The following EIF2AK3 variants were observed in gnomAD, a reference collection of about 807,000 sequenced individuals.
The protein encoded by EIF2AK3 is eukaryotic translation initiation factor 2 alpha kinase 3, also known as eukaryotic translation initiation factor 2-alpha kinase 3.
In EIF2AK3, 50 loss-of-function variants were observed where a neutral mutation model predicts 113.5. The ratio of observed to expected loss-of-function variants is 0.44; its 90% CI spans 0.35 to 0.56. The LOEUF is 0.56. Among genes scored for constraint, EIF2AK3 ranks in the 20% least tolerant of loss-of-function variants. The pLI, the probability that EIF2AK3 is intolerant of heterozygous loss-of-function variation, is 0.00. For synonymous variants in EIF2AK3, 448 were observed against 495.4 expected (o/e 0.90, Z 1.27); for missense variants, 1,185 against 1,378.0 (o/e 0.86, Z 2.22).
intron 10 of EIF2AK3, among the ~76,000 whole-genome samples, chr2:88,582,973 C>G (rs1674635097): frequency 6.6e-6 from 1 of 152,162 alleles, no homozygotes; most frequent in Admixed American, 6.5e-5. Context: ...AAACTGCCTA[C>G]TTTTAGCTAA....
In EIF2AK3 at chr2:88,626,965, A is replaced by G; in HGVS notation, c.308+2T>C. 1 of 1,607,102 alleles carries G rather than the reference A, an allele frequency of 6.2e-7. No homozygotes were observed. Among genetic ancestry groups the G allele is most frequent in the Non-Finnish European group, 8.5e-7 (1 of 1,178,190 alleles). On this transcript the variant is annotated splice_donor_variant, in intron 1 of 16. Transcript: ENST00000303236. LOFTEE classifies it high-confidence loss of function. ...GCCTCCCCCGGGTCGGCAGCCCCTCACCTGCCGCGCGGTCGCAACTCTGTC... is the reference window on the plus strand; with the variant it reads ...GCCTCCCCCGGGTCGGCAGCCCCTCGCCTGCCGCGCGGTCGCAACTCTGTC...
intron 13 of EIF2AK3, 127 bp from the exon 14 acceptor site, chr2:88,571,168 A>T: frequency 8.6e-7 from 1 of 1,167,662 alleles, no homozygotes. Context: ...ATTTCTTTTT[A>T]AAATGGGCTA....
chr2:88,625,533 C>G (rs1675838793), intron 1 of EIF2AK3, among the ~76,000 whole-genome samples: 1 of 152,192 alleles, frequency 6.6e-6, no homozygotes, highest in African/African-American at 2.4e-5. Context: ...TGGGACATCC[C>G]TGACACTGGC....
chr2:88,618,561 T>C (rs1015090256), intron 1 of EIF2AK3, among the ~76,000 whole-genome samples: 1 of 152,238 alleles, frequency 6.6e-6, no homozygotes, highest in Non-Finnish European at 1.5e-5. Context: ...TTCCCACGTC[T>C]CATCCTAAGA....
chr2:88,621,415 T>C (rs1283634638), intron 1 of EIF2AK3, among the ~76,000 whole-genome samples: 1 of 152,210 alleles, frequency 6.6e-6, no homozygotes, highest in Admixed American at 6.5e-5. Flanking sequence ...AGGAGAACAT[T>C]GTATGGATTA....
At chr2:88,559,087 G>A (rs997448132) in intron 15 of EIF2AK3, 108 bp from the exon 16 acceptor site, 9 of 717,154 alleles carry the variant, frequency 1.3e-5, no homozygotes, top group South Asian at 1.0e-4. Context: ...CTATCAAATG[G>A]AAAATTTATC....
In EIF2AK3 at chr2:88,585,846, G is replaced by C. The variant is rs766554136; in HGVS notation, c.1645C>G (p.His549Asp). The C allele has an allele frequency of 6.2e-7, 1 of 1,613,482 alleles. No individual in the cohort carries two copies. Among genetic ancestry groups the C allele is most frequent in the Admixed American group, 1.7e-5 (1 of 59,994 alleles). The change falls in exon 9 of 17, where the codon CAC (histidine) becomes GAC (aspartate). Residue 549 changes from histidine to aspartate, a missense_variant. This residue lies in a region of EIF2AK3 where 877 missense variants were observed against 1,024.2 expected (regional missense o/e 0.86). Transcript: ENST00000303236. ...IVRRLFHPHP[H>D]RQRKESETQC... is the part of the protein sequence containing the mutation. Reference sequence around the variant, plus strand: ...TAAGCAACCATGATTCTTACCCTGTGAGGATGAGGATGGAAAAGCCTGCGC... The same window carrying C: ...TAAGCAACCATGATTCTTACCCTGTCAGGATGAGGATGGAAAAGCCTGCGC...
At chr2:88,617,492 G>C (rs1675614026) in intron 1 of EIF2AK3, among the ~76,000 whole-genome samples, 1 of 152,214 alleles carries the variant, frequency 6.6e-6, no homozygotes. Context: ...GTACTGGCCG[G>C]GGGTGAGTTG....
At chr2:88,569,308 G>A (rs1382984416) in intron 14 of EIF2AK3, among the ~76,000 whole-genome samples, 1 of 151,056 alleles carries the variant, frequency 6.6e-6, no homozygotes, top group African/African-American at 2.4e-5. Flanking sequence ...TTCAAAACTA[G>A]TCTGGGTAAC....
intron 15 of EIF2AK3, among the ~76,000 whole-genome samples, chr2:88,560,823 A>T (rs1673932801): frequency 6.6e-6 from 1 of 150,518 alleles, no homozygotes; most frequent in Non-Finnish European, 1.5e-5. Context: ...ATTTTGCTCT[A>T]TGTGAGAACT....
chr2:88,601,551 C>T (rs1218411329), intron 2 of EIF2AK3, among the ~76,000 whole-genome samples: 2 of 152,158 alleles, frequency 1.3e-5, no homozygotes, highest in East Asian at 3.9e-4. Context: ...CCACATGATC[C>T]TCAAAGCCTA....
At chr2:88,625,684 A>G (rs1006076159) in intron 1 of EIF2AK3, among the ~76,000 whole-genome samples, 2 of 152,208 alleles carry the variant, frequency 1.3e-5, no homozygotes, top group African/African-American at 4.8e-5. Context: ...ACCAGTAAGT[A>G]CCTGTTGAAG....
At chr2:88,563,459 G>A (rs1357770855) in intron 14 of EIF2AK3, among the ~76,000 whole-genome samples, 3 of 152,110 alleles carry the variant, frequency 2.0e-5, no homozygotes, top group African/African-American at 7.2e-5. Flanking sequence ...TAAAAAAAAT[G>A]TGCAAAAACA....
In EIF2AK3 at chr2:88,575,006, C is replaced by T. The variant is rs1171816937; in HGVS notation, c.2477G>A (p.Arg826Gln). 5.0e-6 allele frequency: 8 copies of T among 1,614,118 alleles called. No individual in the cohort carries two copies. In the African/African-American group the frequency reaches 5.3e-5, roughly 11 times the overall value. The change falls in exon 13 of 17, where the codon CGA becomes CAA. Residue 826 changes from arginine to glutamine, a missense_variant. Coordinates refer to ENST00000303236, the MANE Select transcript of EIF2AK3 (RefSeq NM_004836.7). Reference protein sequence around the residue: ...ASSKEEPKTNRLHIGNHCANK... With the variant: ...ASSKEEPKTNQLHIGNHCANK... ...AGCACAATGGTTGCCAATATGCAATCGATTAGTTTTCGGCTCTTCTTTACT... is the reference window on the plus strand; with the variant it reads ...AGCACAATGGTTGCCAATATGCAATTGATTAGTTTTCGGCTCTTCTTTACT...
chr2:88,585,662 G>A (rs922685311), intron 9 of EIF2AK3, among the ~76,000 whole-genome samples, 179 bp downstream of exon 9: 1 of 152,140 alleles, frequency 6.6e-6, no homozygotes, highest in Admixed American at 6.5e-5. Context: ...ATACAAAGAG[G>A]TTCAGTTAGA....
Position 88,605,811 on chromosome 2 carries a change from T to C in EIF2AK3, c.438+7913A>G, listed in dbSNP as rs374460458. ...AACATTGTTGTATTATGGAAATATA[T>C]ATTTTTACTTCCCTGGAAACATTGG... is the stretch of plus-strand genomic sequence containing the variant. On this transcript the variant is annotated intron_variant, in intron 2 of 16. Transcript: ENST00000303236. Among the ~76,000 whole-genome samples the C allele has an allele frequency of 5.3e-5, 8 of 151,852 alleles. 1 individual carries two copies. In the South Asian group the frequency reaches 1.7e-3, roughly 32 times the overall value.
chr2:88,616,133 GTGATCTCA>G (rs2103972506), intron 1 of EIF2AK3, among the ~76,000 whole-genome samples: 2 of 151,250 alleles, frequency 1.3e-5, no homozygotes, highest in South Asian at 4.2e-4. Context: ...AATTTTTTTG[GTGATCTCA>G]TCCAGTCTCA....
chr2:88,581,947 G>C (rs972156740), intron 10 of EIF2AK3, among the ~76,000 whole-genome samples: 5 of 152,122 alleles, frequency 3.3e-5, no homozygotes, highest in Admixed American at 3.3e-4. Context: ...GATATGCTCT[G>C]AATCAGTGTC....
chr2:88,625,499 C>T (rs1172516873), intron 1 of EIF2AK3, among the ~76,000 whole-genome samples: 6 of 152,322 alleles, frequency 3.9e-5, no homozygotes, highest in Admixed American at 3.3e-4. Context: ...CCATACCTCA[C>T]CTAGTAGAAC....
Sources: gnomAD v4.1 joint callset for allele counts (sites outside exome capture counted in the v4.1 genomes callset) on GRCh38, gnomAD v4.1.1 for gene constraint, gnomAD v4.1.1 regional missense constraint, MANE v1.5 for transcripts, NCBI Gene and HGNC (gene_info 2026-07-23, HGNC 2026-07-21) for gene names.